The following ATM variants were observed in gnomAD, a reference collection of about 807,000 sequenced individuals.
ATM encodes the protein serine-protein kinase ATM.
In ATM, 308 loss-of-function variants were observed where a neutral mutation model predicts 387.0. The ratio of observed to expected loss-of-function variants is 0.80; its 90% confidence interval spans 0.73 to 0.87. The LOEUF is 0.87. Among genes scored for constraint, ATM ranks in the 40% least tolerant of loss-of-function variants. The pLI is 0.00. For missense variants in ATM, 3,312 were observed against 3,560.9 expected (o/e 0.93, Z 1.78); for synonymous variants, 1,156 against 1,187.3 (o/e 0.97, Z 0.54).
rs754267376 is a variant in ATM, at chr11:108,257,606, G to C, written c.2376G>C (p.Lys792Asn). The change falls in exon 15 of 63, where the codon AAG becomes AAC. Residue 792 changes from lysine to asparagine, a missense_variant and splice_region_variant. This residue lies in a region of ATM where 1,791 missense variants were observed against 1,804.5 expected (regional missense o/e 0.99). Transcript: ENST00000675843. ...CACGTTGCTTGAGCAACTGTACCAA[G>C]GTAAGATTTTCTTCTTCTTGTTTTG... ...LCTRCLSNCT[K>N]KSPNKIASGF... 2 of 1,613,308 alleles carry C rather than the reference G, an allele frequency of 1.2e-6. No homozygotes were observed. Among genetic ancestry groups the C allele is most frequent in the Admixed American group, 1.7e-5 (1 of 60,006 alleles).
intron 29 of ATM, chr11:108,290,099 A>T: frequency 3.8e-6 from 1 of 263,796 alleles, no homozygotes; most frequent in Non-Finnish European, 7.4e-6. Flanking sequence ...GCTCAAGCGA[A>T]CTGTCAGCCT....
At chr11:108,360,407 A>G (rs2090584286) in intron 61 of ATM, among the ~76,000 whole-genome samples, 1 of 145,916 alleles carries the variant, frequency 6.9e-6, no homozygotes, top group African/African-American at 2.5e-5. Context: ...AACTATTCCA[A>G]TCAATAGAAA....
intron 27 of ATM, 31 bp from the exon 28 acceptor site, chr11:108,288,946 A>T: frequency 6.2e-7 from 1 of 1,613,210 alleles, no homozygotes; most frequent in Non-Finnish European, 8.5e-7. Context: ...TTTTAAAACG[A>T]TGACTGTATT....
intron 58 of ATM, chr11:108,346,500 T>C (rs2088416704): frequency 7.1e-6 from 1 of 141,534 alleles, no homozygotes; most frequent in African/African-American, 2.6e-5. Flanking sequence ...CTATTTGTTG[T>C]TTTTTTTTTT....
intron 29 of ATM, chr11:108,290,711 A>G (rs1007945514): frequency 4.0e-5 from 6 of 149,904 alleles, no homozygotes; most frequent in African/African-American, 9.9e-5. Context: ...AGTTCTAGCT[A>G]CTTAGGAGGC....
chr11:108,284,925 C>G lies in ATM; in HGVS notation c.3993+452C>G, dbSNP rs117254113. 4.5e-3 allele frequency among the ~76,000 whole-genome samples: 691 copies of G among 152,104 alleles called. 3 individuals carry two copies. The highest frequency in any genetic ancestry group is 8.3e-3 in the Non-Finnish European group (564 of 67,988). On this transcript the variant is annotated intron_variant, in intron 26 of 62. Coordinates refer to ENST00000675843, the MANE Select transcript of ATM (RefSeq NM_000051.4). ...TTTGTTTTTTTGTGACACTTATTAC[C>G]TTCTAATGTATGATACAATTTACCT...
chr11:108,345,889 T>C lies in ATM; in HGVS notation c.8565T>C (p.Ser2855=), dbSNP rs780905851. ...WFEKRLAYTR[S]VATSSIVGYI... ...AGAAGCGATTGGCTTATACGCGCAGTGTAGCTACTTCTTCTATTGGTAATC... is the reference window on the plus strand; with the variant it reads ...AGAAGCGATTGGCTTATACGCGCAGCGTAGCTACTTCTTCTATTGGTAATC... The change falls in exon 58 of 63, where the codon AGT becomes AGC. Residue 2855 remains serine (S), a synonymous_variant. Coordinates refer to ENST00000675843, the MANE Select transcript of ATM (RefSeq NM_000051.4). 3.1e-6 allele frequency: 5 copies of C among 1,613,658 alleles called. No homozygotes were observed. Among genetic ancestry groups the C allele is most frequent in the Non-Finnish European group, 3.4e-6 (4 of 1,179,790 alleles).
intron 16 of ATM, among the ~76,000 whole-genome samples, chr11:108,261,049 C>T (rs624888): frequency 0.5 from 74,063 of 149,568 alleles, 19,116 homozygotes; most frequent in Middle Eastern, 0.72. Context: ...AAGGCGGCAG[C>T]GAGGCTGGGG....
chr11:108,241,738 CTTTCTTTTTTTTTTTTTTTT>C lies in ATM; in HGVS notation c.497-2211_497-2192del, dbSNP rs1024200756. Among the ~76,000 whole-genome samples, 108 of 82,116 alleles carry C rather than the reference CTTTCTTTTTTTTTTTTTTTT, an allele frequency of 1.3e-3. 1 individual carries two copies. The Middle Eastern group carries it at 0.034, about 26-fold the overall frequency. The allele number at this position is 82,116 out of a possible 152,430, so 53.9% of individuals were successfully genotyped here. Reference sequence around the variant, plus strand: ...TCTTTCTTTCTTTCTGTCTTTCTTTCTTTCTTTTTTTTTTTTTTTTTTTTTTTTTGAGATAGGGCCTCACT... The same window carrying C: ...TCTTTCTTTCTTTCTGTCTTTCTTTCTTTTTTTTTGAGATAGGGCCTCACT... On this transcript the variant is annotated intron_variant, in intron 5 of 62. Coordinates refer to ENST00000675843, the MANE Select transcript of ATM (RefSeq NM_000051.4).
chr11:108,318,000 G>A (rs1425688199), intron 43 of ATM, among the ~76,000 whole-genome samples: 10 of 152,082 alleles, frequency 6.6e-5, no homozygotes, highest in African/African-American at 2.4e-4. Context: ...CAGTAAGATA[G>A]CACTTATATT....
chr11:108,304,971 T>C, intron 37 of ATM, 119 bp downstream of exon 37: 1 of 1,248,692 alleles, frequency 8.0e-7, no homozygotes. Flanking sequence ...CTAAATTTGT[T>C]TCTTCATCTA....
Position 108,365,509 on chromosome 11 carries a change from T to A in ATM, c.*1T>A, listed in dbSNP as rs757922166. On this transcript the variant is annotated 3_prime_UTR_variant, in exon 63 of 63. Transcript: ENST00000675843. The stretch of plus-strand genomic sequence containing the variant: ...CCCAGGATGGAAAGCTTGGGTGTGA[T>A]CTTCAGTATATGAATTACCCTTTCA... 13 of 1,613,982 alleles carry A rather than the reference T, an allele frequency of 8.1e-6. No homozygotes were observed. The highest frequency in any genetic ancestry group is 4.0e-5 in the African/African-American group (3 of 74,934).
At chr11:108,276,752 G>A (rs955938062) in intron 22 of ATM, among the ~76,000 whole-genome samples, 3 of 152,208 alleles carry the variant, frequency 2.0e-5, no homozygotes, top group Admixed American at 6.5e-5. Context: ...GTCCCAGAGC[G>A]GCACCCGCCA....
chr11:108,293,894 A>ATATATAT (rs1555101015), intron 31 of ATM, among the ~76,000 whole-genome samples: 2 of 83,708 alleles, frequency 2.4e-5, no homozygotes, highest in African/African-American at 4.2e-5. Context: ...AAAAAAAAAA[A>ATATATAT]ATATATATAT....
At chr11:108,362,600 C>G (rs1258662310) in intron 61 of ATM, among the ~76,000 whole-genome samples, 1 of 149,366 alleles carries the variant, frequency 6.7e-6, no homozygotes, top group Non-Finnish European at 1.5e-5. Context: ...ACATATACAC[C>G]ATGGAATACT....
chr11:108,300,402 G>A (rs2083363507), intron 34 of ATM, among the ~76,000 whole-genome samples: 1 of 152,192 alleles, frequency 6.6e-6, no homozygotes, highest in Admixed American at 6.5e-5. Flanking sequence ...GGTTGGTTGA[G>A]ATTACTTTTG....
intron 59 of ATM, among the ~76,000 whole-genome samples, chr11:108,352,135 A>G (rs1161314935): frequency 6.6e-6 from 1 of 152,246 alleles, no homozygotes; most frequent in African/African-American, 2.4e-5. Context: ...GCATACCTGG[A>G]ACCAGGAAAA....
rs1393734883 is a variant in ATM, at chr11:108,366,049, CAG to C, written c.*543_*544del. ...CATCTCAAAAAAAAAAAAAAAAAAA[CAG>C]AAACGTATTTGGATTTTTCCTAGTA... On this transcript the variant is annotated 3_prime_UTR_variant, in exon 63 of 63. Transcript: ENST00000675843. The C allele has an allele frequency of 7.3e-5, 10 of 137,270 alleles. No individual in the cohort carries two copies. The highest frequency in any genetic ancestry group is 1.1e-4 in the African/African-American group (4 of 35,112). 8.5% of individuals were successfully genotyped at this position (137,270 alleles called of 1,614,324 possible). A position where few individuals can be genotyped will look rare whatever the true frequency, so the allele number is the denominator to read the frequency against.
intron 22 of ATM, among the ~76,000 whole-genome samples, chr11:108,275,759 T>C (rs1179662138): frequency 6.6e-6 from 1 of 152,224 alleles, no homozygotes; most frequent in Admixed American, 6.5e-5. Context: ...CTTCCCTTTG[T>C]GGGTAACCCG....
Sources: allele counts gnomAD v4.1 joint callset (sites outside exome capture counted in the v4.1 genomes callset), GRCh38; gene constraint gnomAD v4.1.1; regional missense constraint gnomAD v4.1.1; transcripts MANE v1.5; gene names NCBI Gene and HGNC (gene_info 2026-07-23, HGNC 2026-07-21).